OTULIN: variants seen among roughly 807,000 people sequenced by gnomAD.
OTULIN encodes ubiquitin thioesterase otulin.
A neutral mutation model predicts 39.6 loss-of-function variants in OTULIN; 15 were observed. The observed-to-expected ratio is 0.38, with a 90% CI of 0.25 to 0.58. The LOEUF is 0.58. Ranked by LOEUF, OTULIN falls within the 20% of genes least tolerant of loss-of-function variation. The pLI, the probability that OTULIN is intolerant of heterozygous loss-of-function variation, is 0.66. For synonymous variants in OTULIN, 156 were observed against 170.3 expected, an observed-to-expected ratio of 0.92 and a Z score of 0.65; for missense variants, 319 against 445.9, an observed-to-expected ratio of 0.72 and a Z score of 2.56.
At chr5:14,702,757 G>A (rs549768477), downstream of OTULIN, among the ~76,000 whole-genome samples, 2 of 152,170 alleles carry the variant, frequency 1.3e-5, no homozygotes, top group African/African-American at 4.8e-5. Context: ...GACCCGATGA[G>A]AATTTGAGGT....
intron 4 of OTULIN, among the ~76,000 whole-genome samples, chr5:14,682,168 A>G (rs1736266902): frequency 6.6e-6 from 1 of 152,214 alleles, no homozygotes; most frequent in Non-Finnish European, 1.5e-5. Flanking sequence ...CTGGAAAGTC[A>G]TGTGTCTGCA....
chr5:14,693,984 G>C lies in OTULIN; in HGVS notation c.*936G>C, dbSNP rs929928242. ...ATAGCCAAACAGTTTGTATCCACCT[G>C]CTTTCAGAGGAGGAACCAAAGGCCA... On this transcript the variant is annotated 3_prime_UTR_variant, in exon 7 of 7. Transcript: ENST00000284274. The C allele has an allele frequency of 6.6e-6, 1 of 152,216 alleles. No individual in the cohort carries two copies. Among genetic ancestry groups the C allele is most frequent in the Non-Finnish European group, 1.5e-5 (1 of 68,054 alleles). 9.4% of individuals were successfully genotyped at this position (152,216 alleles called of 1,614,324 possible). A position where few individuals can be genotyped will look rare whatever the true frequency, so the allele number is the denominator to read the frequency against.
At chr5:14,703,077 G>A (rs577325156), downstream of OTULIN, among the ~76,000 whole-genome samples, 7 of 152,222 alleles carry the variant, frequency 4.6e-5, no homozygotes, top group South Asian at 1.2e-3. Context: ...GAGGACAGGA[G>A]GCTGATCCAG....
chr5:14,673,885 C>G (rs1736036556), intron 2 of OTULIN, 167 bp downstream of exon 2: 3 of 479,840 alleles, frequency 6.3e-6, no homozygotes, highest in Non-Finnish European at 1.1e-5. Flanking sequence ...TTTCCTGAGG[C>G]TTTTAAATTT....
intron 3 of OTULIN, among the ~76,000 whole-genome samples, chr5:14,681,181 A>G (rs560087689): frequency 6.6e-6 from 1 of 151,112 alleles, no homozygotes; most frequent in African/African-American, 2.4e-5. Context: ...GGGTTTTTCT[A>G]TATTTTTTTA....
rs1362707017 is a variant in OTULIN, at chr5:14,694,144, A to C, written c.*1096A>C. ...GATGAGTGACAGCAAACCATCTTAA[A>C]ATTTTTCATGAGTACATTTAAGCGG... On this transcript the variant is annotated 3_prime_UTR_variant, in exon 7 of 7. Coordinates refer to ENST00000284274, the MANE Select transcript of OTULIN (RefSeq NM_138348.6). 6.6e-6 allele frequency: 1 copy of C among 152,152 alleles called. No individual in the cohort carries two copies. The highest frequency in any genetic ancestry group is 1.5e-5 in the Non-Finnish European group (1 of 68,048). 9.4% of individuals were successfully genotyped at this position (152,152 alleles called of 1,614,324 possible).
chr5:14,700,259 C>T (rs1372742051), downstream of OTULIN, among the ~76,000 whole-genome samples: 1 of 152,180 alleles, frequency 6.6e-6, no homozygotes, highest in Admixed American at 6.5e-5. Flanking sequence ...GATTCCATGT[C>T]AGGCCCTTTG....
At chr5:14,682,053 A>G (rs1215190303) in intron 4 of OTULIN, among the ~76,000 whole-genome samples, 2 of 152,254 alleles carry the variant, frequency 1.3e-5, no homozygotes, top group African/African-American at 2.4e-5. Flanking sequence ...TAGAAGAGAC[A>G]TGATTACTGT....
intron 4 of OTULIN, 145 bp from the exon 5 acceptor site, chr5:14,687,376 C>T (rs1736412946): frequency 3.1e-6 from 3 of 957,972 alleles, no homozygotes; most frequent in Admixed American, 3.0e-5. Flanking sequence ...GTCCTCCATC[C>T]TAAGCCCACA....
chr5:14,664,955 G>C lies in OTULIN; in HGVS notation c.130G>C (p.Glu44Gln). The C allele has an allele frequency of 9.0e-7, 1 of 1,106,850 alleles. No individual in the cohort carries two copies. The allele number at this position is 1,106,850 out of a possible 1,614,324, so 68.6% of individuals were successfully genotyped here. Residue 44 changes from glutamate (E) to glutamine (Q), a missense_variant, in exon 1 of 7, where the codon GAG becomes CAG. Glu to Gln is a conservative substitution (Grantham distance 29). Coordinates refer to ENST00000284274, the MANE Select transcript of OTULIN (RefSeq NM_138348.6). ...GGCGGCCAGCGGGCAGCCGCGGCCC[G>C]AGATGCAGTGCCCGGCCGAGCAGTG... The part of the protein sequence containing the change: ...KAAASGQPRP[E>Q]MQCPAEHEED...
chr5:14,681,480 C>T lies in OTULIN; in HGVS notation c.341C>T (p.Ser114Phe). 1 of 1,612,316 alleles carries T rather than the reference C, an allele frequency of 6.2e-7. No homozygotes were observed. The highest frequency in any genetic ancestry group is 8.5e-7 in the Non-Finnish European group (1 of 1,179,526). ...TTTTCCCAGGGCTATGAAGAGGTTT[C>T]TCAGAAGTTCACCTCCATACGGCGA... ...TCMKMGYEEVSQKFTSIRRVR... is the reference protein window; with the variant it reads ...TCMKMGYEEVFQKFTSIRRVR... The change falls in exon 4 of 7, where the codon TCT becomes TTT. Residue 114 changes from serine (S) to phenylalanine (F), a missense_variant. Physicochemically the swap from Ser to Phe is radical, Grantham distance 155 (BLOSUM62 -2). Transcript: ENST00000284274.
chr5:14,706,180 TTTAAG>T, the OTULIN span: 1 of 152,240 alleles, frequency 6.6e-6, no homozygotes, highest in Admixed American at 6.5e-5. Flanking sequence ...TAAAGTGCAC[TTTAAG>T]TTATGTAGCC....
chr5:14,673,463 T>TAGAAC (rs2126816562), intron 1 of OTULIN, among the ~76,000 whole-genome samples, 179 bp from the exon 2 acceptor site: 1 of 152,358 alleles, frequency 6.6e-6, no homozygotes, highest in African/African-American at 2.4e-5. Flanking sequence ...AGTGGTGAGA[T>TAGAAC]AGAAACATAA....
downstream of OTULIN, among the ~76,000 whole-genome samples, chr5:14,703,195 C>G (rs1251413564): frequency 6.6e-6 from 1 of 152,076 alleles, no homozygotes; most frequent in African/African-American, 2.4e-5. Context: ...GTGTATTGAA[C>G]TGGGCAGTCA....
At chr5:14,688,909 A>T (rs1370253511) in intron 5 of OTULIN, among the ~76,000 whole-genome samples, 1 of 152,196 alleles carries the variant, frequency 6.6e-6, no homozygotes, top group East Asian at 1.9e-4. Flanking sequence ...TACTATAATT[A>T]GACCCTCATT....
At chr5:14,712,723 C>T in the OTULIN span, 1 of 774,140 alleles carries the variant, frequency 1.3e-6, no homozygotes. Context: ...TCCCATTAGG[C>T]TTCCAGCCAC....
chr5:14,678,200 T>A (rs1736154128), intron 2 of OTULIN, among the ~76,000 whole-genome samples: 1 of 152,112 alleles, frequency 6.6e-6, no homozygotes, highest in Admixed American at 6.5e-5. Context: ...GAGGCCTGCA[T>A]GGAGGGAGGG....
chr5:14,711,252 A>G, the OTULIN span: 16 of 1,613,908 alleles, frequency 9.9e-6, no homozygotes, highest in South Asian at 1.1e-4. Flanking sequence ...TGTCGGAGGC[A>G]TGTCTGTCAT....
intron 2 of OTULIN, among the ~76,000 whole-genome samples, chr5:14,675,661 G>A (rs1736086956): frequency 6.6e-6 from 1 of 152,202 alleles, no homozygotes; most frequent in African/African-American, 2.4e-5. Context: ...CCCCACACGG[G>A]CAATCAAGCT....
Sources: gnomAD v4.1 joint callset for allele counts (sites outside exome capture counted in the v4.1 genomes callset) on GRCh38, gnomAD v4.1.1 for gene constraint, MANE v1.5 for transcripts, NCBI Gene and HGNC (gene_info 2026-07-23, HGNC 2026-07-21) for gene names.